Variants in ANKRD28 observed in about 807,000 individuals in gnomAD.
ANKRD28 encodes ankyrin repeat domain 28, also known as serine/threonine-protein phosphatase 6 regulatory ankyrin repeat subunit A.
In ANKRD28, 44 loss-of-function variants were observed where a neutral mutation model predicts 126.5. The ratio of observed to expected loss-of-function variants is 0.35; its 90% CI spans 0.27 to 0.45. The LOEUF (loss-of-function observed/expected upper bound fraction) is 0.45. Among genes scored for constraint, ANKRD28 ranks in the 20% least tolerant of loss-of-function variants. The pLI is 1.00. For missense variants in ANKRD28, 1,110 were observed against 1,316.6 expected, an observed-to-expected ratio of 0.84 and a Z score of 2.43; for synonymous variants, 442 against 468.5, an observed-to-expected ratio of 0.94 and a Z score of 0.73.
At chr3:15,787,624 A>G (rs1035888158) in intron 2 of ANKRD28, among the ~76,000 whole-genome samples, 1 of 152,172 alleles carries the variant, frequency 6.6e-6, no homozygotes, top group Admixed American at 6.6e-5. Context: ...GTACACACAT[A>G]TGGTTTTAGG....
Position 15,797,164 on chromosome 3 carries a change from GT to G in ANKRD28, c.-644del. ...CAAATCCTGAAAATGAAGCTCAGAGGTTAACAATTCTTTCAGTGTTTGGGAA... is the reference window on the plus strand; with the variant it reads ...CAAATCCTGAAAATGAAGCTCAGAGGTAACAATTCTTTCAGTGTTTGGGAA... On this transcript the variant is annotated 5_prime_UTR_variant, in exon 1 of 28. Coordinates refer to ENST00000683139, the MANE Select transcript of ANKRD28 (RefSeq NM_001349278.2). 1 of 893,738 alleles carries G rather than the reference GT, an allele frequency of 1.1e-6. No homozygotes were observed. The highest frequency in any genetic ancestry group is 1.9e-5 in the African/African-American group (1 of 52,486). 55.4% of individuals were successfully genotyped at this position (893,738 alleles called of 1,614,324 possible).
chr3:15,740,039 G>A (rs1335049725), intron 4 of ANKRD28, among the ~76,000 whole-genome samples: 3 of 152,004 alleles, frequency 2.0e-5, no homozygotes, highest in Non-Finnish European at 2.9e-5. Flanking sequence ...TAAACAAACA[G>A]TATATCTGTA....
chr3:15,824,975 G>A (rs2061026749), intron 1 of ANKRD28, among the ~76,000 whole-genome samples: 1 of 152,166 alleles, frequency 6.6e-6, no homozygotes, highest in Non-Finnish European at 1.5e-5. Flanking sequence ...AAGATATATT[G>A]GGGGTGAGGG....
intron 6 of ANKRD28, among the ~76,000 whole-genome samples, chr3:15,726,214 C>G (rs766624443): frequency 1.3e-5 from 2 of 152,184 alleles, no homozygotes; most frequent in Non-Finnish European, 2.9e-5. Context: ...GCATACCTCT[C>G]ACTTTAAATC....
chr3:15,694,873 C>T (rs2069313555), intron 16 of ANKRD28, 60 bp from the exon 17 acceptor site: 31 of 1,497,240 alleles, frequency 2.1e-5, no homozygotes, highest in Non-Finnish European at 2.7e-5. Context: ...TATTCTCTCC[C>T]ACCCACCCAG....
intron 1 of ANKRD28, among the ~76,000 whole-genome samples, chr3:15,844,999 T>C (rs1439637771): frequency 6.6e-6 from 1 of 152,082 alleles, no homozygotes; most frequent in African/African-American, 2.4e-5. Context: ...AGCAGGCATA[T>C]CTTACATGGC....
At chr3:15,768,022 A>G (rs181082218) in intron 2 of ANKRD28, among the ~76,000 whole-genome samples, 23 of 152,320 alleles carry the variant, frequency 1.5e-4, no homozygotes, top group South Asian at 4.1e-4. Context: ...GCAGGCCAAT[A>G]TACTAGCATA....
intron 4 of ANKRD28, among the ~76,000 whole-genome samples, chr3:15,740,872 C>A (rs1452929543): frequency 6.6e-6 from 1 of 152,120 alleles, no homozygotes; most frequent in Non-Finnish European, 1.5e-5. Context: ...AAGGTGTGAA[C>A]CCTGAATCCA....
At chr3:15,857,800 G>A (rs1242793762) in intron 1 of ANKRD28, among the ~76,000 whole-genome samples, 1 of 152,220 alleles carries the variant, frequency 6.6e-6, no homozygotes, top group African/African-American at 2.4e-5. Flanking sequence ...AATTTCTAAT[G>A]CACATAGTAA....
intron 3 of ANKRD28, among the ~76,000 whole-genome samples, chr3:15,753,792 A>T (rs2058007991): frequency 6.6e-6 from 1 of 152,054 alleles, no homozygotes; most frequent in Admixed American, 6.6e-5. Context: ...AAAATACAAA[A>T]ATTAGCCAGA....
chr3:15,685,277 C>T lies in ANKRD28; in HGVS notation c.2338G>A (p.Ala780Thr). 6.2e-7 allele frequency: 1 copy of T among 1,614,006 alleles called. No individual in the cohort carries two copies. The highest frequency in any genetic ancestry group is 1.1e-5 in the South Asian group (1 of 91,088). Residue 780 changes from alanine (A) to threonine (T), a missense_variant, in exon 21 of 28, where the codon GCC becomes ACC. By Grantham distance (58) the Ala-to-Thr change is moderately conservative. Coordinates refer to ENST00000683139, the MANE Select transcript of ANKRD28 (RefSeq NM_001349278.2). ...QSAASMDANP[A>T]TADNHGYTAL... ...GTATATCCATGATTGTCTGCTGTGG[C>T]TGGATTTGCATCCATAGATGCTGCT...
intron 5 of ANKRD28, 50 bp downstream of exon 5, chr3:15,736,983 G>T: frequency 1.3e-6 from 2 of 1,564,594 alleles, no homozygotes; most frequent in South Asian, 1.1e-5. Context: ...TAATAAGTGG[G>T]GGGTGGACAG....
At chr3:15,855,209 C>T (rs1467464045) in intron 1 of ANKRD28, among the ~76,000 whole-genome samples, 1 of 152,044 alleles carries the variant, frequency 6.6e-6, no homozygotes. Context: ...GTTTTTTCCC[C>T]TCAAACAATG....
At position 15,670,399 on chromosome 3, in the gene ANKRD28, GCTGA is replaced by G. The variant is rs765633631; in HGVS notation, c.3119_3122del (p.Val1040AlafsTer8). Reference sequence around the variant, plus strand: ...TCCTCATGATGGGCAAAGCTTCAAAGCTGACTGTTTTTGAGGTGTTGGTATAACG... The same window carrying G: ...TCCTCATGATGGGCAAAGCTTCAAAGCTGTTTTTGAGGTGTTGGTATAACG... On this transcript the variant is annotated frameshift_variant, in exon 28 of 28. Transcript: ENST00000683139. LOFTEE classifies it high-confidence loss of function. 1.2e-6 allele frequency: 2 copies of G among 1,613,920 alleles called. No individual in the cohort carries two copies. The highest frequency in any genetic ancestry group is 1.7e-6 in the Non-Finnish European group (2 of 1,179,852).
chr3:15,855,360 A>G lies in ANKRD28; in HGVS notation c.27+4017T>C, dbSNP rs565390187. ...AAAAAACAAAACAAAACAAAAAAAA[A>G]CCCAACACCTTAAACATATCAGTCC... On this transcript the variant is annotated intron_variant, in intron 1 of 27. Coordinates refer to the ANKRD28 transcript ENST00000399451. Among the ~76,000 whole-genome samples, 4 of 152,138 alleles carry G rather than the reference A, an allele frequency of 2.6e-5. No homozygotes were observed. The South Asian group carries it at 8.3e-4, about 32-fold the overall frequency.
chr3:15,783,644 T>A (rs1380171673), intron 2 of ANKRD28, among the ~76,000 whole-genome samples: 1 of 151,992 alleles, frequency 6.6e-6, no homozygotes, highest in Non-Finnish European at 1.5e-5. Flanking sequence ...ATAAACAAAT[T>A]CTGTATATCA....
Position 15,678,409 on chromosome 3 carries a change from G to A in ANKRD28, c.2562-55C>T, listed in dbSNP as rs2067183708. On this transcript the variant is annotated intron_variant, in intron 23 of 27. Transcript: ENST00000683139. ...CTAAATTTGAATGTTATATATGCTG[G>A]AAAAATATTCTTTAATTTGTGACAT... is the stretch of plus-strand genomic sequence containing the variant. The A allele has an allele frequency of 3.1e-5, 46 of 1,494,162 alleles. No homozygotes were observed. In the South Asian group the frequency reaches 4.7e-4, roughly 15 times the overall value. The allele number at this position is 1,494,162 out of a possible 1,614,324, so 92.6% of individuals were successfully genotyped here.
At chr3:15,759,926 C>T (rs1391280196) in intron 3 of ANKRD28, among the ~76,000 whole-genome samples, 29 of 152,274 alleles carry the variant, frequency 1.9e-4, no homozygotes, top group Non-Finnish European at 2.9e-5. Context: ...AAAGCACCTA[C>T]AGAACTCTTA....
rs544839756 is a variant in ANKRD28, at chr3:15,742,897, G to A, written c.352-5664C>T. Among the ~76,000 whole-genome samples the A allele has an allele frequency of 9.4e-5, 14 of 149,644 alleles. No individual in the cohort carries two copies. The East Asian group carries it at 1.6e-3, about 17-fold the overall frequency. On this transcript the variant is annotated intron_variant, in intron 4 of 27. Coordinates refer to ENST00000683139, the MANE Select transcript of ANKRD28 (RefSeq NM_001349278.2). ...GTGTACCCAACAGCTCATTGAGAAC[G>A]GGCCATGATGACAATGGTGGTTTTG...
Sources: gnomAD v4.1 joint callset for allele counts (sites outside exome capture counted in the v4.1 genomes callset) on GRCh38, gnomAD v4.1.1 for gene constraint, MANE v1.5 for transcripts, NCBI Gene and HGNC (gene_info 2026-07-23, HGNC 2026-07-21) for gene names.